The following DOCK1 variants were observed in gnomAD, a reference collection of about 807,000 sequenced individuals.
The protein encoded by DOCK1 is dedicator of cytokinesis protein 1.
Under a neutral mutation model 262.7 loss-of-function variants are expected in DOCK1, and 138 were observed. The observed-to-expected ratio is 0.53, with a 90% CI of 0.46 to 0.61. The LOEUF (loss-of-function observed/expected upper bound fraction) is 0.61, where lower values mean the gene tolerates loss of function less well. DOCK1 is among the 20% of genes least tolerant of loss of function. DOCK1 has a pLI of 0.00. For missense variants in DOCK1, 1,908 were observed against 2,370.7 expected (o/e 0.80, Z 4.05); for synonymous variants, 866 against 867.4 (o/e 1.00, Z 0.03).
At chr10:126,962,868 T>C (rs1299168599) in intron 1 of DOCK1, among the ~76,000 whole-genome samples, 8 of 152,212 alleles carry the variant, frequency 5.3e-5, no homozygotes, top group African/African-American at 1.9e-4. Context: ...TTAGCTCTTA[T>C]GTTTAGGTCT....
At chr10:127,205,378 C>G (rs959581962) in intron 27 of DOCK1, among the ~76,000 whole-genome samples, 2 of 152,216 alleles carry the variant, frequency 1.3e-5, no homozygotes, top group Non-Finnish European at 2.9e-5. Flanking sequence ...CTGGGTCTCT[C>G]AGCCCTGGGA....
intron 18 of DOCK1, among the ~76,000 whole-genome samples, chr10:127,032,852 C>T (rs1394902015): frequency 6.6e-6 from 1 of 152,222 alleles, no homozygotes; most frequent in Non-Finnish European, 1.5e-5. Context: ...CCACTGTGCC[C>T]AGCTGTATTA....
At chr10:127,027,333 A>G (rs2042937403) in intron 16 of DOCK1, among the ~76,000 whole-genome samples, 2 of 152,152 alleles carry the variant, frequency 1.3e-5, no homozygotes, top group South Asian at 2.1e-4. Flanking sequence ...CGTGGCTCAC[A>G]CCTGTAATCC....
intron 27 of DOCK1, among the ~76,000 whole-genome samples, chr10:127,204,471 G>A (rs1445481269): frequency 1.3e-5 from 2 of 152,020 alleles, no homozygotes; most frequent in East Asian, 1.9e-4. Flanking sequence ...ATTTTTAGTG[G>A]ACTTAGGGTT....
chr10:127,039,996 C>T (rs909301770), intron 19 of DOCK1, among the ~76,000 whole-genome samples: 11 of 152,282 alleles, frequency 7.2e-5, no homozygotes, highest in African/African-American at 2.6e-4. Flanking sequence ...TGCCCCACTG[C>T]AGCTCCGCAG....
rs181728697 is a variant in DOCK1, at chr10:126,999,261, C to T, written c.768-93C>T. 6.9e-5 allele frequency: 64 copies of T among 927,848 alleles called. No individual in the cohort carries two copies. The African/African-American group carries it at 8.6e-4, about 12-fold the overall frequency. 57.5% of individuals were successfully genotyped at this position (927,848 alleles called of 1,614,324 possible). ...ACTCAATAGTTGTCTGTATAGTGCA[C>T]GTACATGGTATTAATTATGAAGCAA... On this transcript the variant is annotated intron_variant, in intron 8 of 51. Coordinates refer to ENST00000623213, the MANE Select transcript of DOCK1 (RefSeq NM_001290223.2).
chr10:127,163,480 A>G (rs1304025877), intron 27 of DOCK1, among the ~76,000 whole-genome samples: 2 of 152,134 alleles, frequency 1.3e-5, no homozygotes, highest in Non-Finnish European at 2.9e-5. Context: ...TCAGGGCCAG[A>G]AGTAGAGTAG....
At chr10:127,451,185 C>T (rs564971622) in intron 51 of DOCK1, 147 bp from the exon 52 acceptor site, 6 of 866,654 alleles carry the variant, frequency 6.9e-6, no homozygotes, top group South Asian at 4.9e-5. Flanking sequence ...ACCTGCCAGC[C>T]CCAAGTCGGA....
At chr10:127,338,432 T>C (rs934758707) in intron 29 of DOCK1, among the ~76,000 whole-genome samples, 42 of 152,332 alleles carry the variant, frequency 2.8e-4, no homozygotes, top group East Asian at 2.7e-3. Flanking sequence ...TCTGAGAAAA[T>C]TCTTGTCAAA....
At chr10:126,968,868 A>G (rs1046957783) in intron 1 of DOCK1, among the ~76,000 whole-genome samples, 4 of 152,240 alleles carry the variant, frequency 2.6e-5, no homozygotes, top group African/African-American at 9.6e-5. Context: ...TAACTAACTA[A>G]TAACCATCTT....
chr10:127,415,118 T>G, intron 43 of DOCK1, 34 bp from the exon 44 acceptor site: 1 of 1,600,108 alleles, frequency 6.2e-7, no homozygotes, highest in Non-Finnish European at 8.5e-7. Flanking sequence ...GACATCCTTC[T>G]AACCCGTGTT....
chr10:126,929,256 G>A (rs2034003048), intron 1 of DOCK1, among the ~76,000 whole-genome samples: 1 of 152,180 alleles, frequency 6.6e-6, no homozygotes, highest in Non-Finnish European at 1.5e-5. Flanking sequence ...GTAATTTTTG[G>A]AATTTACCTC....
chr10:127,084,943 T>A (rs2136044264), intron 23 of DOCK1, among the ~76,000 whole-genome samples: 1 of 152,300 alleles, frequency 6.6e-6, no homozygotes, highest in South Asian at 2.1e-4. Context: ...TTAGCCTGGG[T>A]TGGCATGGAA....
At chr10:127,217,990 G>A (rs540435077) in intron 27 of DOCK1, among the ~76,000 whole-genome samples, 1 of 151,774 alleles carries the variant, frequency 6.6e-6, no homozygotes, top group African/African-American at 2.4e-5. Flanking sequence ...CAGCCTTGTT[G>A]AGGATCAGAT....
intron 12 of DOCK1, among the ~76,000 whole-genome samples, chr10:127,017,804 T>G (rs1464350310): frequency 1.6e-5 from 2 of 124,952 alleles, no homozygotes; most frequent in Non-Finnish European, 3.4e-5. Flanking sequence ...GGGGAAAAGA[T>G]GCCGTCGTCG....
At chr10:126,947,448 G>GTGA (rs2035558696) in intron 1 of DOCK1, among the ~76,000 whole-genome samples, 1 of 42,866 alleles carries the variant, frequency 2.3e-5, no homozygotes, top group African/African-American at 1.1e-4. Flanking sequence ...GTTGGTGGTG[G>GTGA]TGGTGGTGGT....
intron 42 of DOCK1, 107 bp downstream of exon 42, chr10:127,409,498 G>T: frequency 8.3e-7 from 1 of 1,199,750 alleles, no homozygotes; most frequent in Non-Finnish European, 1.2e-6. Context: ...CCATGGATTC[G>T]CTTTCCAAAT....
chr10:127,154,477 G>A (rs933213477), intron 27 of DOCK1, among the ~76,000 whole-genome samples: 4 of 152,186 alleles, frequency 2.6e-5, no homozygotes, highest in Non-Finnish European at 5.9e-5. Flanking sequence ...AAATTTCAGT[G>A]TCCATGAATA....
chr10:127,446,819 A>G lies in DOCK1; in HGVS notation c.5414-575A>G, dbSNP rs2070591621. Among the ~76,000 whole-genome samples, 2 of 152,164 alleles carry G rather than the reference A, an allele frequency of 1.3e-5. No homozygotes were observed. Among genetic ancestry groups the G allele is most frequent in the Admixed American group, 6.5e-5 (1 of 15,280 alleles). On this transcript the variant is annotated intron_variant, in intron 50 of 51. Transcript: ENST00000623213. The surrounding 1 kb of genome is among the most constrained non-coding windows in gnomAD (Gnocchi z 4.4). ...CCAGTTTACTTTAAAAATCAATTGT[A>G]CTTCCCCTTGGCTTATTTAAAGCAA...
Sources: allele counts gnomAD v4.1 joint callset (sites outside exome capture counted in the v4.1 genomes callset), GRCh38; gene constraint gnomAD v4.1.1; non-coding constraint Gnocchi (gnomAD v3.1); transcripts MANE v1.5; gene names NCBI Gene and HGNC (gene_info 2026-07-23, HGNC 2026-07-21).